The following CPPED1 variants were observed in gnomAD, a reference collection of about 807,000 sequenced individuals.
CPPED1 encodes the protein serine/threonine-protein phosphatase CPPED1.
CPPED1 carries 28 observed loss-of-function variants against 28.0 expected under a neutral mutation model. The observed-to-expected ratio is 1.00, with a 90% CI of 0.74 to 1.37. CPPED1 has a LOEUF of 1.37. Among genes scored for constraint, CPPED1 ranks in the 40% most tolerant of loss-of-function variants. CPPED1 has a pLI of 0.00. For synonymous variants in CPPED1, 198 were observed against 180.2 expected, an observed-to-expected ratio of 1.10 and a Z score of -0.79; for missense variants, 504 against 416.5, an observed-to-expected ratio of 1.21 and a Z score of -1.83.
At chr16:12,786,192 C>T (rs189644656) in intron 1 of CPPED1, among the ~76,000 whole-genome samples, 11 of 152,294 alleles carry the variant, frequency 7.2e-5, no homozygotes, top group Admixed American at 5.2e-4. Flanking sequence ...ACATCAGCGT[C>T]GCCTGGGAGC....
chr16:12,686,241 A>T (rs181025364), intron 3 of CPPED1, among the ~76,000 whole-genome samples: 5,001 of 106,946 alleles, frequency 0.047, 99 homozygotes, highest in Middle Eastern at 0.084. Context: ...ATATATATAT[A>T]TTTTTTTTTT....
Position 12,664,424 on chromosome 16 carries a change from A to G in CPPED1, c.*462T>C. The stretch of plus-strand genomic sequence containing the variant: ...TTCGTTCCGCTGGAAAGGAAAGGAG[A>G]TGAACTTTGTTTTGCCTAGCGTTTT... On this transcript the variant is annotated 3_prime_UTR_variant, in exon 4 of 4. Transcript: ENST00000381774. The surrounding 1 kb of genome is among the most constrained non-coding windows in gnomAD (Gnocchi z 4.2). The G allele has an allele frequency of 3.0e-6, 3 of 1,011,012 alleles. No homozygotes were observed. The highest frequency in any genetic ancestry group is 3.5e-6 in the Non-Finnish European group (3 of 847,336). The allele number at this position is 1,011,012 out of a possible 1,614,324, so 62.6% of individuals were successfully genotyped here.
intron 2 of CPPED1, among the ~76,000 whole-genome samples, chr16:12,779,304 A>C (rs866803253): frequency 6.6e-6 from 1 of 152,072 alleles, no homozygotes; most frequent in African/African-American, 2.4e-5. Context: ...CTGTAGCCTC[A>C]AACTCCTGGA....
intron 3 of CPPED1, among the ~76,000 whole-genome samples, chr16:12,694,738 G>GC (rs1219960484): frequency 8.0e-6 from 1 of 125,756 alleles, no homozygotes; most frequent in African/African-American, 3.2e-5. Flanking sequence ...AGGTGGGGGG[G>GC]GGGGCGGGGG....
intron 3 of CPPED1, among the ~76,000 whole-genome samples, chr16:12,681,521 C>G (rs2079904745): frequency 6.6e-6 from 1 of 152,156 alleles, no homozygotes; most frequent in South Asian, 2.1e-4. Flanking sequence ...ATGTAAATTA[C>G]ACTTTTCATA....
chr16:12,685,184 C>T (rs920506104), intron 3 of CPPED1, among the ~76,000 whole-genome samples: 1 of 152,218 alleles, frequency 6.6e-6, no homozygotes, highest in South Asian at 2.1e-4. Flanking sequence ...GGTGCGGCGG[C>T]TCACGCCTGC....
chr16:12,697,193 T>A (rs1441710068), intron 3 of CPPED1, among the ~76,000 whole-genome samples: 3 of 151,962 alleles, frequency 2.0e-5, no homozygotes, highest in Non-Finnish European at 4.4e-5. Flanking sequence ...CTTGGCTAAT[T>A]TTTGTATTTT....
chr16:12,744,607 G>A (rs1191732855), intron 2 of CPPED1, among the ~76,000 whole-genome samples: 2 of 152,162 alleles, frequency 1.3e-5, no homozygotes, highest in African/African-American at 4.8e-5. Flanking sequence ...GCTACAGAGA[G>A]GGGAACACAG....
At chr16:12,677,874 T>C (rs779668249) in intron 3 of CPPED1, among the ~76,000 whole-genome samples, 169 of 152,326 alleles carry the variant, frequency 1.1e-3, no homozygotes, top group Non-Finnish European at 2.0e-3. Context: ...GTCTGGACAG[T>C]AAATATTTTC....
intron 2 of CPPED1, among the ~76,000 whole-genome samples, chr16:12,764,394 G>A (rs1194639899): frequency 1.3e-5 from 2 of 151,950 alleles, no homozygotes; most frequent in Admixed American, 6.6e-5. Flanking sequence ...TGTAGAGAGG[G>A]GTTTCACCAT....
intron 3 of CPPED1, 116 bp downstream of exon 3, chr16:12,704,508 C>A: frequency 9.0e-7 from 1 of 1,108,564 alleles, no homozygotes; most frequent in Non-Finnish European, 1.3e-6. Flanking sequence ...TATCAGAACT[C>A]CCGGCCTAGT....
At chr16:12,701,898 T>C (rs2080022706) in intron 3 of CPPED1, among the ~76,000 whole-genome samples, 1 of 152,188 alleles carries the variant, frequency 6.6e-6, no homozygotes. Context: ...CAGCGCCTGA[T>C]GTCACTGAGA....
chr16:12,769,739 G>A (rs945548852), intron 2 of CPPED1, among the ~76,000 whole-genome samples: 1 of 152,110 alleles, frequency 6.6e-6, no homozygotes, highest in Non-Finnish European at 1.5e-5. Flanking sequence ...CGACCCACAC[G>A]CGACCTGCTG....
At chr16:12,705,097 T>C in intron 2 of CPPED1, 48 bp from the exon 3 acceptor site, 1 of 1,515,522 alleles carries the variant, frequency 6.6e-7, no homozygotes, top group Non-Finnish European at 8.9e-7. Flanking sequence ...GCTTATTCAC[T>C]TGAAATAACT....
intron 3 of CPPED1, among the ~76,000 whole-genome samples, chr16:12,691,449 C>T (rs758813776): frequency 1.3e-5 from 2 of 152,032 alleles, no homozygotes; most frequent in Admixed American, 1.3e-4. Context: ...TTGACCCAGC[C>T]GTCCCATTAC....
chr16:12,698,333 G>A (rs1280373826), intron 3 of CPPED1, among the ~76,000 whole-genome samples: 2 of 152,152 alleles, frequency 1.3e-5, no homozygotes, highest in African/African-American at 2.4e-5. Context: ...AACAGTGACT[G>A]CAATACAGCG....
At chr16:12,720,590 C>T (rs1210823120) in intron 2 of CPPED1, among the ~76,000 whole-genome samples, 3 of 152,174 alleles carry the variant, frequency 2.0e-5, no homozygotes, top group South Asian at 2.1e-4. Context: ...TGGATTCAAG[C>T]GATTCTCCTG....
chr16:12,732,821 T>G (rs1223339530), intron 2 of CPPED1, among the ~76,000 whole-genome samples: 1 of 152,022 alleles, frequency 6.6e-6, no homozygotes, highest in Non-Finnish European at 1.5e-5. Flanking sequence ...AATGTGAGGG[T>G]GGAATGAAGA....
intron 2 of CPPED1, among the ~76,000 whole-genome samples, chr16:12,737,200 T>C (rs995336796): frequency 6.6e-6 from 1 of 151,336 alleles, no homozygotes; most frequent in East Asian, 1.9e-4. Flanking sequence ...AAAAAAATAA[T>C]AATAATAATA....
Sources: allele counts gnomAD v4.1 joint callset (sites outside exome capture counted in the v4.1 genomes callset), GRCh38; gene constraint gnomAD v4.1.1; non-coding constraint Gnocchi (gnomAD v3.1); transcripts MANE v1.5; gene names NCBI Gene and HGNC (gene_info 2026-07-23, HGNC 2026-07-21).